The following USO1 variants were observed in gnomAD, a reference collection of about 807,000 sequenced individuals.
USO1 encodes general vesicular transport factor p115.
In USO1, 57 loss-of-function variants were observed where a neutral mutation model predicts 124.5. The observed-to-expected ratio is 0.46, with a 90% CI of 0.37 to 0.57. USO1 has a LOEUF of 0.57. Among genes scored for constraint, USO1 ranks in the 20% least tolerant of loss-of-function variants. The pLI is 0.00. For missense variants in USO1, 900 were observed against 1,040.6 expected (o/e 0.86, Z 1.86); for synonymous variants, 369 against 362.8 (o/e 1.02, Z -0.19).
Position 75,790,162 on chromosome 4 carries a change from G to A in USO1, c.1009G>A (p.Val337Ile). 1 of 1,600,736 alleles carries A rather than the reference G, an allele frequency of 6.2e-7. No individual in the cohort carries two copies. The highest frequency in any genetic ancestry group is 8.5e-7 in the Non-Finnish European group (1 of 1,173,770). Reference sequence around the variant, plus strand: ...TTCCCCTTAACAGACCATAAATACTGTATCAGAAGTTATTCGAGGCTGCCA... The same window carrying A: ...TTCCCCTTAACAGACCATAAATACTATATCAGAAGTTATTCGAGGCTGCCA... The part of the protein sequence containing the change: ...ADILTETINT[V>I]SEVIRGCQVN... The change falls in exon 11 of 24, where the codon GTA becomes ATA. Residue 337 changes from valine (V) to isoleucine (I), a missense_variant. Val to Ile is a conservative substitution (Grantham distance 29). This residue lies in a region of USO1 where 538 missense variants were observed against 681.6 expected (regional missense o/e 0.79). Transcript: ENST00000514213.
rs779135248 is a variant in USO1 at position 75,812,264 on chromosome 4, G to A, written c.2688G>A (p.Glu896=). ...TACAAACTGAGAAAGACAAACTAGAGTTGGAAATTACAGATTCTAAAAAAG... is the reference window on the plus strand; with the variant it reads ...TACAAACTGAGAAAGACAAACTAGAATTGGAAATTACAGATTCTAAAAAAG... ...AILQTEKDKL[E]LEITDSKKEQ... is the part of the protein sequence containing the mutation. The change falls in exon 23 of 24, where the codon GAG becomes GAA. Residue 896 remains glutamate, a synonymous_variant. Transcript: ENST00000514213. 6.2e-7 allele frequency: 1 copy of A among 1,609,186 alleles called. No homozygotes were observed. Among genetic ancestry groups the A allele is most frequent in the Admixed American group, 1.7e-5 (1 of 59,498 alleles).
chr4:75,726,589 G>T (rs982296132), intron 1 of USO1, among the ~76,000 whole-genome samples: 2 of 151,438 alleles, frequency 1.3e-5, no homozygotes, highest in South Asian at 4.2e-4. Context: ...AAATAACTGC[G>T]CAGGTCTGGT....
chr4:75,799,599 T>G, intron 13 of USO1, 23 bp from the exon 14 acceptor site: 1 of 1,609,708 alleles, frequency 6.2e-7, no homozygotes, highest in East Asian at 2.2e-5. Flanking sequence ...ATGGAAAGAT[T>G]TCTACCAATT....
chr4:75,731,835 G>A (rs1467535688), intron 1 of USO1, among the ~76,000 whole-genome samples: 2 of 151,898 alleles, frequency 1.3e-5, no homozygotes, highest in Non-Finnish European at 2.9e-5. Context: ...TTTCCTGTCA[G>A]TTAAGTAGTT....
intron 4 of USO1, among the ~76,000 whole-genome samples, chr4:75,765,634 G>A (rs1408225020): frequency 1.4e-5 from 1 of 71,448 alleles, no homozygotes; most frequent in South Asian, 5.7e-4. Flanking sequence ...CCTGGTACCA[G>A]TTCTTTTTTT....
Position 75,787,046 on chromosome 4 carries a change from T to C in USO1, c.856-16T>C. ...AATCTTTAAAAGACAAATTTTGTTT[T>C]CTCTTTCTTTCACAGCTTGTTCGTG... On this transcript the variant is annotated splice_polypyrimidine_tract_variant and intron_variant, in intron 9 of 23. Coordinates refer to ENST00000514213, the MANE Select transcript of USO1 (RefSeq NM_003715.4). 1 of 1,561,592 alleles carries C rather than the reference T, an allele frequency of 6.4e-7. No homozygotes were observed. The highest frequency in any genetic ancestry group is 8.6e-7 in the Non-Finnish European group (1 of 1,160,916).
At chr4:75,780,599 A>G (rs1239883465) in intron 8 of USO1, among the ~76,000 whole-genome samples, 2 of 148,062 alleles carry the variant, frequency 1.4e-5, no homozygotes, top group Non-Finnish European at 3.0e-5. Context: ...CTGTTAACAC[A>G]ACATGCATTT....
chr4:75,769,730 T>C (rs1305588549), intron 4 of USO1, among the ~76,000 whole-genome samples: 1 of 141,762 alleles, frequency 7.1e-6, no homozygotes, highest in Admixed American at 7.9e-5. Flanking sequence ...TTGCTTTCAT[T>C]TTTAGTGATC....
At chr4:75,794,260 G>A (rs1722618024) in intron 13 of USO1, among the ~76,000 whole-genome samples, 1 of 152,154 alleles carries the variant, frequency 6.6e-6, no homozygotes, top group African/African-American at 2.4e-5. Flanking sequence ...GTAGTTCATA[G>A]CTGTGTATTT....
chr4:75,795,756 G>T (rs1722659339), intron 13 of USO1, among the ~76,000 whole-genome samples: 1 of 152,006 alleles, frequency 6.6e-6, no homozygotes, highest in African/African-American at 2.4e-5. Context: ...AGAATCTGAT[G>T]ATGATTTTTA....
chr4:75,759,747 A>G (rs1317047991), intron 4 of USO1, among the ~76,000 whole-genome samples: 1 of 151,758 alleles, frequency 6.6e-6, no homozygotes, highest in Non-Finnish European at 1.5e-5. Context: ...CGTCTCTACT[A>G]AAAACACAAA....
At chr4:75,793,109 C>T (rs1036073792) in intron 12 of USO1, among the ~76,000 whole-genome samples, 1 of 151,642 alleles carries the variant, frequency 6.6e-6, no homozygotes. Context: ...AATAGTACTC[C>T]ATTGTGTGTA....
chr4:75,798,001 A>G (rs1031329450), intron 13 of USO1, among the ~76,000 whole-genome samples: 55 of 152,224 alleles, frequency 3.6e-4, no homozygotes, highest in African/African-American at 1.3e-3. Flanking sequence ...GTGGCTTTCT[A>G]TTGGTTTATG....
chr4:75,808,837 G>A, intron 20 of USO1, 116 bp from the exon 21 acceptor site: 2 of 1,215,056 alleles, frequency 1.6e-6, no homozygotes, highest in Non-Finnish European at 2.3e-6. Flanking sequence ...GTTCTTTAGA[G>A]TTAGATTTTA....
chr4:75,805,746 T>C (rs954204979), intron 19 of USO1, among the ~76,000 whole-genome samples: 5 of 152,106 alleles, frequency 3.3e-5, no homozygotes, highest in Admixed American at 2.6e-4. Context: ...GGATGAGCTT[T>C]AGAGTCAAAC....
intron 22 of USO1, among the ~76,000 whole-genome samples, chr4:75,811,043 G>T (rs1286348625): frequency 6.6e-6 from 1 of 152,058 alleles, no homozygotes; most frequent in African/African-American, 2.4e-5. Context: ...AGCCACAAAT[G>T]AAGCTTTTAA....
chr4:75,801,172 C>T lies in USO1; in HGVS notation c.1958C>T (p.Thr653Ile), dbSNP rs759846499. Residue 653 changes from threonine to isoleucine, a missense_variant, in exon 17 of 24, where the codon ACT becomes ATT. Transcript: ENST00000514213. Reference sequence around the variant, plus strand: ...TTAGAACAGCATGACAATATTGTGACTCACTACAAAAATATGATTCGAGAG... The same window carrying T: ...TTAGAACAGCATGACAATATTGTGATTCACTACAAAAATATGATTCGAGAG... ...KTLEQHDNIVTHYKNMIREQD... is the reference protein window; with the variant it reads ...KTLEQHDNIVIHYKNMIREQD... 1.1e-5 allele frequency: 17 copies of T among 1,608,964 alleles called. No individual in the cohort carries two copies. The South Asian group carries it at 1.7e-4, about 16-fold the overall frequency.
At chr4:75,790,927 A>G in intron 12 of USO1, 130 bp downstream of exon 12, 1 of 1,191,608 alleles carries the variant, frequency 8.4e-7, no homozygotes, top group Non-Finnish European at 1.1e-6. Context: ...AAAAAAACAA[A>G]AACACCTGAA....
chr4:75,742,403 G>A (rs769656317), intron 1 of USO1, among the ~76,000 whole-genome samples: 17 of 152,190 alleles, frequency 1.1e-4, no homozygotes, highest in Non-Finnish European at 2.2e-4. Context: ...TTGTTGACTT[G>A]AATGTCGTTA....
Sources: allele counts gnomAD v4.1 joint callset (sites outside exome capture counted in the v4.1 genomes callset), GRCh38; gene constraint gnomAD v4.1.1; regional missense constraint gnomAD v4.1.1; transcripts MANE v1.5; gene names NCBI Gene and HGNC (gene_info 2026-07-23, HGNC 2026-07-21).